CACNA1D: variants seen among roughly 807,000 people sequenced by gnomAD.
The protein encoded by CACNA1D is calcium voltage-gated channel subunit alpha1 D.
Under a neutral mutation model 257.1 loss-of-function variants are expected in CACNA1D, and 55 were observed. The observed-to-expected ratio is 0.21, with a 90% confidence interval of 0.17 to 0.27. The LOEUF is 0.27. Among genes scored for constraint, CACNA1D ranks in the 10% least tolerant of loss-of-function variants. The pLI, the probability that CACNA1D is intolerant of heterozygous loss-of-function variation, is 1.00. For synonymous variants in CACNA1D, 980 were observed against 1,014.9 expected (o/e 0.97, Z 0.65); for missense variants, 1,876 against 2,784.0 (o/e 0.67, Z 7.34).
chr3:53,612,399 G>C (rs568399450), intron 3 of CACNA1D, among the ~76,000 whole-genome samples: 1 of 152,144 alleles, frequency 6.6e-6, no homozygotes, highest in South Asian at 2.1e-4. Flanking sequence ...GTCTTTAAGC[G>C]TTGTTAGGGT....
At chr3:53,714,270 G>T (rs1412324712) in intron 9 of CACNA1D, among the ~76,000 whole-genome samples, 1 of 152,112 alleles carries the variant, frequency 6.6e-6, no homozygotes, top group Non-Finnish European at 1.5e-5. Flanking sequence ...AGGTCTGAGG[G>T]GTCTGCCTGC....
At chr3:53,663,911 G>A (rs895515323) in intron 5 of CACNA1D, among the ~76,000 whole-genome samples, 6 of 151,920 alleles carry the variant, frequency 3.9e-5, no homozygotes, top group African/African-American at 1.5e-4. Context: ...GACTACAGGC[G>A]CACACCGCCA....
At chr3:53,713,246 A>G (rs2094779871) in intron 9 of CACNA1D, among the ~76,000 whole-genome samples, 1 of 152,146 alleles carries the variant, frequency 6.6e-6, no homozygotes, top group Non-Finnish European at 1.5e-5. Flanking sequence ...TCAGAGGTAA[A>G]TGGATCTTAG....
intron 3 of CACNA1D, among the ~76,000 whole-genome samples, chr3:53,576,352 A>T (rs959211963): frequency 2.0e-5 from 3 of 152,222 alleles, no homozygotes; most frequent in African/African-American, 7.2e-5. Context: ...TTATCCTCCG[A>T]AATTTTAAGT....
intron 11 of CACNA1D, among the ~76,000 whole-genome samples, chr3:53,720,148 C>T (rs776452470): frequency 5.3e-5 from 8 of 152,138 alleles, no homozygotes; most frequent in East Asian, 1.9e-4. Context: ...GATGTGCATG[C>T]GGGTTACGTG....
rs58252138 is a variant in CACNA1D, at chr3:53,803,635, C to T, written c.5585+63C>T. 0.086 allele frequency: 134,100 copies of T among 1,559,596 alleles called. 8,594 individuals are homozygous for T. The highest frequency in any genetic ancestry group is 0.33 in the African/African-American group (24,707 of 73,918). On this transcript the variant is annotated intron_variant, in intron 44 of 47. Transcript: ENST00000350061. ...CCCTGCCCTGGTGCTCGGCCCACTC[C>T]GGAAGCCAGGGCCACCGGCAGCTGC...
intron 3 of CACNA1D, among the ~76,000 whole-genome samples, chr3:53,511,651 C>T (rs189073261): frequency 5.9e-5 from 9 of 152,202 alleles, no homozygotes; most frequent in East Asian, 5.8e-4. Flanking sequence ...TCTATAAAAA[C>T]GCTGCTTTTT....
At chr3:53,690,264 A>G (rs1038320801) in intron 8 of CACNA1D, among the ~76,000 whole-genome samples, 3 of 152,228 alleles carry the variant, frequency 2.0e-5, no homozygotes, top group Non-Finnish European at 2.9e-5. Context: ...GTGCTCGTAC[A>G]TCCTCAGCTG....
intron 8 of CACNA1D, among the ~76,000 whole-genome samples, chr3:53,680,807 G>C (rs2094422993): frequency 6.6e-6 from 1 of 152,182 alleles, no homozygotes; most frequent in African/African-American, 2.4e-5. Context: ...AGATGCTACT[G>C]TCAACATTAT....
rs1211161359 is a variant in CACNA1D, at chr3:53,743,083, G to A, written c.2884G>A (p.Val962Met). The part of the protein sequence containing the change: ...RNYFNLLDML[V>M]VGVSLVSFGI... ...CTACTTCAATTTGCTGGATATGCTGGTGGTTGGGGTGTCTCTGGTGTCATT... is the reference window on the plus strand; with the variant it reads ...CTACTTCAATTTGCTGGATATGCTGATGGTTGGGGTGTCTCTGGTGTCATT... The change falls in exon 22 of 48, where the codon GTG becomes ATG. Residue 962 changes from valine (V) to methionine (M), a missense_variant. Physicochemically the swap from Val to Met is conservative, Grantham distance 21. Transcript: ENST00000350061. The A allele has an allele frequency of 6.2e-7, 1 of 1,613,654 alleles. No individual in the cohort carries two copies. Among genetic ancestry groups the A allele is most frequent in the Non-Finnish European group, 8.5e-7 (1 of 1,179,642 alleles).
chr3:53,660,680 GC>G (rs1228526892), intron 5 of CACNA1D, among the ~76,000 whole-genome samples: 1 of 150,022 alleles, frequency 6.7e-6, no homozygotes, highest in African/African-American at 2.5e-5. Flanking sequence ...TTAGCTGCGT[GC>G]CTTTTTTTTT....
chr3:53,625,709 A>T (rs1407120097), intron 3 of CACNA1D, among the ~76,000 whole-genome samples: 2 of 152,238 alleles, frequency 1.3e-5, no homozygotes, highest in Admixed American at 1.3e-4. Context: ...GAATTTGCCG[A>T]AACTATAATC....
intron 3 of CACNA1D, among the ~76,000 whole-genome samples, chr3:53,514,275 C>T (rs1437651270): frequency 6.6e-6 from 1 of 151,896 alleles, no homozygotes; most frequent in Non-Finnish European, 1.5e-5. Context: ...GAAAGGGAGT[C>T]CAGGCTCACA....
chr3:53,733,191 G>A (rs2095016671), intron 19 of CACNA1D, among the ~76,000 whole-genome samples: 1 of 152,226 alleles, frequency 6.6e-6, no homozygotes, highest in African/African-American at 2.4e-5. Context: ...GGTGTGGCCA[G>A]GTCCTGGGAG....
intron 3 of CACNA1D, among the ~76,000 whole-genome samples, chr3:53,640,847 C>T (rs2093941965): frequency 6.6e-6 from 1 of 152,066 alleles, no homozygotes. Context: ...GTCTGATGAC[C>T]AGTGGGAATG....
intron 1 of CACNA1D, 131 bp from the exon 2 acceptor site, chr3:53,497,021 G>T (rs1039360846): frequency 4.0e-6 from 3 of 753,710 alleles, no homozygotes; most frequent in East Asian, 5.3e-5. Flanking sequence ...AATAGCACAT[G>T]AGATTCAAAA....
intron 3 of CACNA1D, among the ~76,000 whole-genome samples, chr3:53,532,052 G>A (rs1299899241): frequency 2.0e-5 from 3 of 152,152 alleles, no homozygotes; most frequent in Non-Finnish European, 2.9e-5. Context: ...AACAGGTAGG[G>A]TAATGTTTAT....
At chr3:53,576,209 C>T (rs2093035389) in intron 3 of CACNA1D, among the ~76,000 whole-genome samples, 2 of 152,094 alleles carry the variant, frequency 1.3e-5, no homozygotes, top group Admixed American at 6.5e-5. Context: ...CACAGTGGCC[C>T]ATGACGAAGT....
At chr3:53,773,185 A>G (rs1158631968) in intron 33 of CACNA1D, among the ~76,000 whole-genome samples, 2 of 151,832 alleles carry the variant, frequency 1.3e-5, no homozygotes, top group Non-Finnish European at 2.9e-5. Flanking sequence ...GAAACTAACT[A>G]TTTCCAGATG....
Sources: allele counts gnomAD v4.1 joint callset (sites outside exome capture counted in the v4.1 genomes callset), GRCh38; gene constraint gnomAD v4.1.1; transcripts MANE v1.5; gene names NCBI Gene and HGNC (gene_info 2026-07-23, HGNC 2026-07-21).